Variants in ABLIM1 observed in about 807,000 individuals in gnomAD.
ABLIM1 encodes actin-binding LIM protein 1.
In ABLIM1, 40 loss-of-function variants were observed where a neutral mutation model predicts 107.0. The observed-to-expected ratio is 0.37, with a 90% confidence interval of 0.29 to 0.49. The LOEUF (loss-of-function observed/expected upper bound fraction) is 0.49, where lower values mean the gene tolerates loss of function less well. Among genes scored for constraint, ABLIM1 ranks in the 20% least tolerant of loss-of-function variants. ABLIM1 has a pLI of 0.97. For synonymous variants in ABLIM1, 357 were observed against 357.3 expected, an observed-to-expected ratio of 1.00 and a Z score of 0.01; for missense variants, 857 against 1,008.5, an observed-to-expected ratio of 0.85 and a Z score of 2.04.
chr10:114,735,026 G>T (rs2082150404), intron 1 of ABLIM1, among the ~76,000 whole-genome samples: 1 of 152,190 alleles, frequency 6.6e-6, no homozygotes, highest in Admixed American at 6.5e-5. Flanking sequence ...AAGTTAGCAA[G>T]TACAGCCTTG....
At chr10:114,787,223 C>T in the ABLIM1 span, among the ~76,000 whole-genome samples, 14 of 151,976 alleles carry the variant, frequency 9.2e-5, no homozygotes, top group Admixed American at 2.6e-4. Context: ...GCCTGGCAAC[C>T]GCCCTGTCTG....
intron 1 of ABLIM1, among the ~76,000 whole-genome samples, chr10:114,693,384 T>TTACA (rs1369026771): frequency 1.3e-5 from 2 of 151,746 alleles, no homozygotes; most frequent in Non-Finnish European, 2.9e-5. Flanking sequence ...TGAGTGTAAG[T>TTACA]GACTACAGCA....
chr10:114,483,279 GT>G (rs561486085), intron 8 of ABLIM1, among the ~76,000 whole-genome samples: 16 of 151,102 alleles, frequency 1.1e-4, no homozygotes, highest in African/African-American at 3.2e-4. Flanking sequence ...TCCATTTTTG[GT>G]TTTTTTTTGA....
chr10:114,743,031 T>C (rs537430949), intron 1 of ABLIM1, among the ~76,000 whole-genome samples: 1 of 152,332 alleles, frequency 6.6e-6, no homozygotes, highest in African/African-American at 2.4e-5. Flanking sequence ...TCTCAAAAAA[T>C]GTTAGTTTGT....
the ABLIM1 span, among the ~76,000 whole-genome samples, chr10:114,786,477 TTTTTA>T: frequency 7.9e-5 from 12 of 152,336 alleles, no homozygotes; most frequent in South Asian, 2.5e-3. Context: ...TTCAAATTTA[TTTTTA>T]TTTTATGTAA....
At chr10:114,473,531 C>A (rs1010854691) in intron 9 of ABLIM1, among the ~76,000 whole-genome samples, 1 of 152,078 alleles carries the variant, frequency 6.6e-6, no homozygotes, top group African/African-American at 2.4e-5. Context: ...TAGGAACACT[C>A]AGTATCAGCT....
chr10:114,483,265 T>C (rs2057658428), intron 8 of ABLIM1, among the ~76,000 whole-genome samples: 1 of 152,162 alleles, frequency 6.6e-6, no homozygotes. Context: ...TGCTGCTGTA[T>C]CTGTCCATTT....
In ABLIM1 at chr10:114,594,120, A is replaced by G. The variant is rs17791967; in HGVS notation, c.379+7707T>C. ...ATGAGCTCTGCTTTTGGAGAATGCA[A>G]TAAACTACTTCTATTTTTCTGGTGT... On this transcript the variant is annotated intron_variant, in intron 2 of 22. Coordinates refer to ENST00000533213, the MANE Select transcript of ABLIM1 (RefSeq NM_002313.7). Among the ~76,000 whole-genome samples, 1,512 of 152,324 alleles carry G rather than the reference A, an allele frequency of 9.9e-3. 18 individuals carry two copies. The highest frequency in any genetic ancestry group is 0.014 in the Middle Eastern group (4 of 294).
chr10:114,635,134 G>A (rs1457104031), intron 1 of ABLIM1, among the ~76,000 whole-genome samples: 2 of 152,038 alleles, frequency 1.3e-5, no homozygotes, highest in South Asian at 2.1e-4. Context: ...TTCATAATAC[G>A]GACACCAACC....
At chr10:114,509,195 C>A (rs976969338) in intron 6 of ABLIM1, among the ~76,000 whole-genome samples, 1 of 152,140 alleles carries the variant, frequency 6.6e-6, no homozygotes, top group South Asian at 2.1e-4. Context: ...ATAAGGAGGG[C>A]AAACTGCTTG....
intron 1 of ABLIM1, among the ~76,000 whole-genome samples, chr10:114,703,315 C>T (rs1428012867): frequency 6.6e-6 from 1 of 152,202 alleles, no homozygotes; most frequent in Non-Finnish European, 1.5e-5. Flanking sequence ...CTTCTAATTA[C>T]TAGTCTGAAT....
chr10:114,633,771 C>T (rs1188528665), intron 1 of ABLIM1, among the ~76,000 whole-genome samples: 1 of 152,182 alleles, frequency 6.6e-6, no homozygotes, highest in African/African-American at 2.4e-5. Flanking sequence ...CACTTGTCTA[C>T]TTTCCCACTC....
At chr10:114,626,563 T>C (rs939704467) in intron 1 of ABLIM1, among the ~76,000 whole-genome samples, 1 of 152,076 alleles carries the variant, frequency 6.6e-6, no homozygotes, top group Non-Finnish European at 1.5e-5. Context: ...ACCGACCTCC[T>C]CCCTTCCTCT....
chr10:114,512,644 A>T (rs1273968249), intron 6 of ABLIM1, among the ~76,000 whole-genome samples: 1 of 152,018 alleles, frequency 6.6e-6, no homozygotes, highest in Non-Finnish European at 1.5e-5. Flanking sequence ...GGGCAACATG[A>T]TGAAACCCTG....
chr10:114,546,942 GGCTT>G (rs888540162), intron 5 of ABLIM1, among the ~76,000 whole-genome samples: 3 of 151,824 alleles, frequency 2.0e-5, no homozygotes, highest in African/African-American at 7.3e-5. Context: ...CACCATGCCT[GGCTT>G]GCTTGCTTAT....
chr10:114,700,491 AACACACACAC>A (rs149691121), intron 1 of ABLIM1, among the ~76,000 whole-genome samples: 2 of 148,454 alleles, frequency 1.3e-5, no homozygotes, highest in Non-Finnish European at 3.0e-5. Context: ...AAACAATTAA[AACACACACAC>A]ACACACACAC....
the ABLIM1 span, chr10:114,778,061 C>T: frequency 6.6e-6 from 1 of 152,240 alleles, no homozygotes; most frequent in Non-Finnish European, 1.5e-5. Context: ...CAAAATGAGA[C>T]TTCTTTCATA....
At chr10:114,631,872 C>G (rs1166929656) in intron 1 of ABLIM1, 1 of 1,303,454 alleles carries the variant, frequency 7.7e-7, no homozygotes, top group South Asian at 1.2e-5. Flanking sequence ...ACTTCTGCAA[C>G]CATGCACAGT....
intron 6 of ABLIM1, among the ~76,000 whole-genome samples, chr10:114,504,853 A>G (rs1293309056): frequency 6.6e-6 from 1 of 152,240 alleles, no homozygotes; most frequent in Non-Finnish European, 1.5e-5. Context: ...TTAAAAGGGT[A>G]TAAAGTAGTG....
Sources: gnomAD v4.1 joint callset for allele counts (sites outside exome capture counted in the v4.1 genomes callset) on GRCh38, gnomAD v4.1.1 for gene constraint, MANE v1.5 for transcripts, NCBI Gene and HGNC (gene_info 2026-07-23, HGNC 2026-07-21) for gene names.